Variants in PDE4D observed in about 807,000 individuals in gnomAD.
PDE4D encodes 3',5'-cyclic-AMP phosphodiesterase 4D.
A neutral mutation model predicts 87.4 loss-of-function variants in PDE4D; 24 were observed. The observed-to-expected ratio is 0.27, with a 90% CI of 0.20 to 0.39. The LOEUF is 0.39. PDE4D is among the 10% of genes least tolerant of loss of function. The pLI is 1.00. For missense variants in PDE4D, 714 were observed against 1,041.0 expected, an observed-to-expected ratio of 0.69 and a Z score of 4.32; for synonymous variants, 384 against 383.2, an observed-to-expected ratio of 1.00 and a Z score of -0.02.
intron 1 of PDE4D, among the ~76,000 whole-genome samples, chr5:59,287,394 G>A (rs1159161146): frequency 2.6e-5 from 4 of 152,012 alleles, no homozygotes; most frequent in East Asian, 1.9e-4. Flanking sequence ...CTCACCCACC[G>A]TAGAATAGAG....
chr5:59,828,354 G>C (rs1770571959), intron 1 of PDE4D, among the ~76,000 whole-genome samples: 1 of 151,974 alleles, frequency 6.6e-6, no homozygotes, highest in Admixed American at 6.6e-5. Flanking sequence ...TGGGAGTGAG[G>C]GGGTAATCAG....
chr5:59,064,327 C>T (rs895225413), intron 5 of PDE4D, among the ~76,000 whole-genome samples: 1 of 152,064 alleles, frequency 6.6e-6, no homozygotes, highest in Non-Finnish European at 1.5e-5. Context: ...GACCAATTAG[C>T]CAAGATGATA....
intron 1 of PDE4D, among the ~76,000 whole-genome samples, chr5:60,315,519 T>C (rs1246859162): frequency 6.6e-6 from 1 of 152,234 alleles, no homozygotes; most frequent in Non-Finnish European, 1.5e-5. Flanking sequence ...TTTTGGCTTT[T>C]GTTGCCATTG....
At chr5:60,332,794 T>TA (rs149360599) in intron 1 of PDE4D, among the ~76,000 whole-genome samples, 4,121 of 152,034 alleles carry the variant, frequency 0.027, 168 homozygotes, top group African/African-American at 0.095. Flanking sequence ...TGAGTCATTT[T>TA]AAAAAAAAGA....
At chr5:60,137,837 T>C (rs1780184532) in intron 2 of PDE4D, among the ~76,000 whole-genome samples, 1 of 152,122 alleles carries the variant, frequency 6.6e-6, no homozygotes, top group East Asian at 1.9e-4. Flanking sequence ...GCTTTTGTCA[T>C]TTTTGTCATG....
chr5:59,214,846 C>T (rs1334355705), intron 2 of PDE4D, among the ~76,000 whole-genome samples: 1 of 152,148 alleles, frequency 6.6e-6, no homozygotes, highest in Non-Finnish European at 1.5e-5. Context: ...TGCAATACAA[C>T]TGATGCTCTG....
intron 2 of PDE4D, among the ~76,000 whole-genome samples, chr5:60,151,313 A>G (rs1369780319): frequency 6.6e-6 from 1 of 152,160 alleles, no homozygotes; most frequent in East Asian, 1.9e-4. Flanking sequence ...CTTGGCTACC[A>G]TTTGAATTTT....
chr5:59,969,346 G>A (rs1581961793), intron 3 of PDE4D, among the ~76,000 whole-genome samples: 1 of 152,134 alleles, frequency 6.6e-6, no homozygotes, highest in East Asian at 1.9e-4. Context: ...AAAGATGGGA[G>A]AAGAAAACAA....
chr5:59,553,562 T>C lies in PDE4D; in HGVS notation c.456-337594A>G, dbSNP rs553404385. Among the ~76,000 whole-genome samples the C allele has an allele frequency of 4.6e-5, 7 of 152,300 alleles. No homozygotes were observed. In the South Asian group the frequency reaches 1.2e-3, roughly 27 times the overall value. On this transcript the variant is annotated intron_variant, in intron 1 of 14. Transcript: ENST00000340635. ...GTAAGATTCCTAACAGAGACACTCCTCAACTTTCTCCATTCTCACAGCCTG... is the reference window on the plus strand; with the variant it reads ...GTAAGATTCCTAACAGAGACACTCCCCAACTTTCTCCATTCTCACAGCCTG...
intron 1 of PDE4D, among the ~76,000 whole-genome samples, chr5:59,447,263 C>A (rs994695182): frequency 2.6e-5 from 4 of 152,170 alleles, no homozygotes; most frequent in Admixed American, 2.6e-4. Flanking sequence ...CATCTGGTAA[C>A]CTTCTAGTTA....
chr5:59,741,446 A>C (rs1417337517), intron 1 of PDE4D, among the ~76,000 whole-genome samples: 2 of 152,190 alleles, frequency 1.3e-5, no homozygotes, highest in Non-Finnish European at 2.9e-5. Context: ...GGGTGTGTCT[A>C]ATAACAAGTG....
At chr5:60,095,261 T>C (rs1562086251) in intron 2 of PDE4D, among the ~76,000 whole-genome samples, 1 of 152,198 alleles carries the variant, frequency 6.6e-6, no homozygotes, top group Non-Finnish European at 1.5e-5. Context: ...CCCTGTGTTC[T>C]CTTTGTTCAG....
At chr5:60,496,369 G>A (rs557435241) in intron 1 of PDE4D, among the ~76,000 whole-genome samples, 10 of 152,250 alleles carry the variant, frequency 6.6e-5, no homozygotes, top group Admixed American at 3.3e-4. Flanking sequence ...ATCAGCATCC[G>A]TCTCTCAATC....
At chr5:60,147,895 C>T in intron 2 of PDE4D, 1 of 417,996 alleles carries the variant, frequency 2.4e-6, no homozygotes, top group Non-Finnish European at 4.8e-6. Flanking sequence ...GAAAGAGAAA[C>T]TGTAACCAAG....
intron 6 of PDE4D, chr5:59,001,989 T>G: frequency 2.0e-6 from 1 of 503,920 alleles, no homozygotes; most frequent in South Asian, 1.5e-5. Context: ...CGGCATCACC[T>G]TCCCTCCTTC....
At chr5:59,577,264 T>A (rs1200616672) in intron 1 of PDE4D, among the ~76,000 whole-genome samples, 1 of 152,058 alleles carries the variant, frequency 6.6e-6, no homozygotes, top group East Asian at 1.9e-4. Context: ...GTCTTCCCCA[T>A]GAAAAAGGCT....
At chr5:60,085,504 A>AATCCAAGCAGG (rs1325094575) in intron 2 of PDE4D, among the ~76,000 whole-genome samples, 1 of 152,180 alleles carries the variant, frequency 6.6e-6, no homozygotes, top group African/African-American at 2.4e-5. Context: ...AGCCAAGCAG[A>AATCCAAGCAGG]ATCCAAGCAG....
At chr5:60,461,316 T>C (rs1165868075) in intron 1 of PDE4D, among the ~76,000 whole-genome samples, 1 of 152,228 alleles carries the variant, frequency 6.6e-6, no homozygotes, top group Admixed American at 6.5e-5. Context: ...CCACTTATAC[T>C]CTTGGTGAAA....
intron 3 of PDE4D, among the ~76,000 whole-genome samples, chr5:59,940,403 C>G (rs906409614): frequency 1.3e-5 from 2 of 152,018 alleles, no homozygotes; most frequent in African/African-American, 4.8e-5. Context: ...TGCAGTAATC[C>G]ATGTGAGAGA....
Sources: gnomAD v4.1 joint callset for allele counts (sites outside exome capture counted in the v4.1 genomes callset) on GRCh38, gnomAD v4.1.1 for gene constraint, MANE v1.5 for transcripts, NCBI Gene and HGNC (gene_info 2026-07-23, HGNC 2026-07-21) for gene names.